Variants in BACH2 observed in about 807,000 individuals in gnomAD.
BACH2 encodes transcription regulator protein BACH2.
BACH2 carries 5 observed loss-of-function variants against 61.8 expected under a neutral mutation model. The observed-to-expected ratio is 0.08, with a 90% CI of 0.04 to 0.17. The LOEUF (loss-of-function observed/expected upper bound fraction) is 0.17, where lower values mean the gene tolerates loss of function less well. Ranked by LOEUF, BACH2 falls within the 10% of genes least tolerant of loss-of-function variation. The pLI is 1.00. For synonymous variants in BACH2, 446 were observed against 440.1 expected, an observed-to-expected ratio of 1.01 and a Z score of -0.17; for missense variants, 824 against 1,091.1, an observed-to-expected ratio of 0.76 and a Z score of 3.45.
intron 5 of BACH2, among the ~76,000 whole-genome samples, chr6:90,059,479 G>T (rs1473468535): frequency 6.6e-6 from 1 of 152,126 alleles, no homozygotes; most frequent in Non-Finnish European, 1.5e-5. Context: ...GAAACAACAG[G>T]TGCTGGAGAG....
intron 1 of BACH2, among the ~76,000 whole-genome samples, chr6:90,295,381 C>T (rs1409163233): frequency 6.6e-6 from 1 of 152,218 alleles, no homozygotes; most frequent in East Asian, 1.9e-4. Flanking sequence ...CGGCCCTGCA[C>T]GCTTCCCCTC....
At chr6:90,115,807 C>T (rs542462194) in intron 4 of BACH2, among the ~76,000 whole-genome samples, 4 of 152,090 alleles carry the variant, frequency 2.6e-5, no homozygotes, top group South Asian at 4.2e-4. Context: ...CTGTAAGGAA[C>T]TTAAACAAAT....
At chr6:90,296,145 A>G (rs1582578530) in intron 1 of BACH2, among the ~76,000 whole-genome samples, 3 of 151,848 alleles carry the variant, frequency 2.0e-5, no homozygotes, top group South Asian at 2.1e-4. Context: ...TGCCTGACTT[A>G]TTACTCTCTG....
intron 5 of BACH2, among the ~76,000 whole-genome samples, chr6:90,051,699 C>T (rs941470590): frequency 3.9e-5 from 6 of 152,018 alleles, no homozygotes; most frequent in African/African-American, 1.2e-4. Flanking sequence ...CTTTCTCATT[C>T]GTCTTTTTTT....
At chr6:90,255,803 C>G (rs1770957179) in intron 2 of BACH2, among the ~76,000 whole-genome samples, 1 of 152,176 alleles carries the variant, frequency 6.6e-6, no homozygotes, top group Non-Finnish European at 1.5e-5. Context: ...ATCTCTCCCT[C>G]TGTAAGTCAT....
chr6:89,978,184 G>A (rs1354568522), intron 6 of BACH2, among the ~76,000 whole-genome samples: 3 of 152,190 alleles, frequency 2.0e-5, no homozygotes, highest in African/African-American at 7.2e-5. Flanking sequence ...ATAGAGTGGA[G>A]ACAAAGAGAC....
intron 4 of BACH2, among the ~76,000 whole-genome samples, chr6:90,112,930 C>A (rs1445705531): frequency 2.0e-5 from 3 of 151,886 alleles, no homozygotes; most frequent in Non-Finnish European, 4.4e-5. Context: ...AAATGGAAAA[C>A]AGAAAAAAAG....
At position 90,042,638 on chromosome 6, in the gene BACH2, T is replaced by C. The variant is rs77427339; in HGVS notation, c.-12-33782A>G. 9.3e-3 allele frequency among the ~76,000 whole-genome samples: 1,418 copies of C among 152,216 alleles called. 20 individuals carry two copies. Among genetic ancestry groups the C allele is most frequent in the African/African-American group, 0.031 (1,267 of 41,528 alleles). ...CCACACATGAGCACATAAAAACACA[T>C]ACTCACATATACAATATCACAGAAA... is the stretch of plus-strand genomic sequence containing the variant. On this transcript the variant is annotated intron_variant, in intron 5 of 8. Coordinates refer to ENST00000257749, the MANE Select transcript of BACH2 (RefSeq NM_021813.4).
chr6:90,100,732 C>G (rs1481766766), intron 4 of BACH2, among the ~76,000 whole-genome samples: 1 of 151,382 alleles, frequency 6.6e-6, no homozygotes, highest in Non-Finnish European at 1.5e-5. Context: ...CACACAGACA[C>G]ACACACACAC....
intron 2 of BACH2, among the ~76,000 whole-genome samples, chr6:90,261,957 A>T (rs1022160070): frequency 1.3e-5 from 2 of 152,046 alleles, no homozygotes; most frequent in African/African-American, 4.8e-5. Context: ...GAGCAGAGTG[A>T]CCCTCTCGCC....
intron 5 of BACH2, among the ~76,000 whole-genome samples, chr6:90,034,932 G>A (rs1039617719): frequency 1.3e-5 from 2 of 151,984 alleles, no homozygotes; most frequent in Non-Finnish European, 1.5e-5. Flanking sequence ...ATCAAAGAAA[G>A]ACAATATGTA....
intron 3 of BACH2, among the ~76,000 whole-genome samples, chr6:90,241,050 G>A (rs754368932): frequency 6.7e-5 from 10 of 150,172 alleles, no homozygotes; most frequent in South Asian, 4.2e-4. Flanking sequence ...CAGGAGAATC[G>A]CTTGAACTTG....
intron 3 of BACH2, among the ~76,000 whole-genome samples, chr6:90,248,493 T>G (rs950388517): frequency 6.6e-6 from 1 of 152,040 alleles, no homozygotes; most frequent in Non-Finnish European, 1.5e-5. Flanking sequence ...TAATAAGGGC[T>G]GGGAAAGAAA....
chr6:90,155,475 T>C (rs539839933), intron 4 of BACH2, among the ~76,000 whole-genome samples: 1 of 152,334 alleles, frequency 6.6e-6, no homozygotes, highest in South Asian at 2.1e-4. Context: ...TCCCATCCTT[T>C]TGCAAGCATT....
intron 4 of BACH2, among the ~76,000 whole-genome samples, chr6:90,192,263 T>C (rs1390178502): frequency 6.6e-6 from 1 of 152,076 alleles, no homozygotes; most frequent in African/African-American, 2.4e-5. Flanking sequence ...ACAAATTCCT[T>C]GGAGAATCCA....
intron 7 of BACH2, among the ~76,000 whole-genome samples, chr6:89,946,675 G>A (rs1773744478): frequency 6.6e-6 from 1 of 152,032 alleles, no homozygotes; most frequent in African/African-American, 2.4e-5. Context: ...ACAGCTACGT[G>A]AAAAAAGGAA....
intron 6 of BACH2, among the ~76,000 whole-genome samples, chr6:89,978,633 T>TA (rs753724278): frequency 0.016 from 1,390 of 85,836 alleles, 19 homozygotes; most frequent in East Asian, 0.021. Flanking sequence ...GTGTTGGCTT[T>TA]AAAAAAAAAA....
chr6:90,162,189 T>C (rs937053285), intron 4 of BACH2, among the ~76,000 whole-genome samples: 3 of 152,180 alleles, frequency 2.0e-5, no homozygotes, highest in African/African-American at 7.2e-5. Context: ...TGTTTATAAA[T>C]TGATGGAGCT....
At chr6:90,011,963 T>TGTGTGC (rs1777747623) in intron 5 of BACH2, among the ~76,000 whole-genome samples, 1 of 149,948 alleles carries the variant, frequency 6.7e-6, no homozygotes, top group East Asian at 2.0e-4. Context: ...TGTGTGTGTG[T>TGTGTGC]GTGTGTGTGT....
Sources: gnomAD v4.1 joint callset for allele counts (sites outside exome capture counted in the v4.1 genomes callset) on GRCh38, gnomAD v4.1.1 for gene constraint, MANE v1.5 for transcripts, NCBI Gene and HGNC (gene_info 2026-07-23, HGNC 2026-07-21) for gene names.